The following MACF1 variants were observed in gnomAD, a reference collection of about 807,000 sequenced individuals.
MACF1 encodes the protein microtubule-actin cross-linking factor 1.
A neutral mutation model predicts 854.8 loss-of-function variants in MACF1; 193 were observed. That is an observed-to-expected ratio of 0.23 (90% CI 0.20 to 0.25). The LOEUF is 0.25. Ranked by LOEUF, MACF1 falls within the 10% of genes least tolerant of loss-of-function variation. MACF1 has a pLI of 1.00. For synonymous variants in MACF1, 3,185 were observed against 3,226.7 expected (o/e 0.99, Z 0.44); for missense variants, 7,722 against 8,929.1 (o/e 0.86, Z 5.45).
chr1:39,343,279 C>T (rs1646976063), intron 40 of MACF1, among the ~76,000 whole-genome samples: 1 of 152,162 alleles, frequency 6.6e-6, no homozygotes, highest in Non-Finnish European at 1.5e-5. Context: ...AATGTCCCCT[C>T]CTTCTATTCT....
intron 86 of MACF1, 83 bp downstream of exon 86, chr1:39,452,433 T>G: frequency 1.4e-6 from 2 of 1,393,982 alleles, no homozygotes; most frequent in South Asian, 2.8e-5. Context: ...TCTGTTCCAG[T>G]CAGTCTTGAA....
intron 2 of MACF1, among the ~76,000 whole-genome samples, chr1:39,233,785 T>TG: frequency 2.3e-5 from 2 of 86,056 alleles, no homozygotes; most frequent in Non-Finnish European, 5.8e-5. Flanking sequence ...CTTTTTTTTT[T>TG]TTTTTTTTTT....
chr1:39,104,895 T>G (rs1642181337), intron 2 of MACF1, among the ~76,000 whole-genome samples: 1 of 152,228 alleles, frequency 6.6e-6, no homozygotes, highest in South Asian at 2.1e-4. Flanking sequence ...CGTGGTCTTT[T>G]GCCCTCTGCT....
chr1:39,111,366 T>TTTTTTTTA (rs139825766), intron 2 of MACF1, among the ~76,000 whole-genome samples: 23 of 148,140 alleles, frequency 1.6e-4, no homozygotes, highest in African/African-American at 5.3e-4. Flanking sequence ...CAGCTAATTA[T>TTTTTTTTA]TTTATTTATT....
intron 2 of MACF1, among the ~76,000 whole-genome samples, chr1:39,169,586 C>T (rs1046305165): frequency 7.1e-6 from 1 of 140,782 alleles, no homozygotes; most frequent in Non-Finnish European, 1.5e-5. Context: ...AGCTTGGGGA[C>T]AGAGCAAGAC....
At chr1:39,356,513 C>T (rs1647585221) in intron 44 of MACF1, among the ~76,000 whole-genome samples, 1 of 152,092 alleles carries the variant, frequency 6.6e-6, no homozygotes, top group South Asian at 2.1e-4. Context: ...GCTGGGATTA[C>T]AGGCACTTGC....
chr1:39,139,355 C>T (rs1396828759), intron 2 of MACF1, among the ~76,000 whole-genome samples: 1 of 150,246 alleles, frequency 6.7e-6, no homozygotes, highest in Non-Finnish European at 1.5e-5. Flanking sequence ...CTTCCAGGTT[C>T]AAGCGATTCT....
At chr1:39,375,249 A>T (rs1649615177) in intron 52 of MACF1, among the ~76,000 whole-genome samples, 1 of 152,172 alleles carries the variant, frequency 6.6e-6, no homozygotes, top group South Asian at 2.1e-4. Context: ...AACGAATATA[A>T]AAATTTGAAA....
intron 2 of MACF1, among the ~76,000 whole-genome samples, chr1:39,096,627 A>G (rs186623860): frequency 6.6e-6 from 1 of 151,614 alleles, no homozygotes. Context: ...CCGTAATCAC[A>G]TACTTCTACC....
chr1:39,361,881 T>C (rs1016738771), intron 49 of MACF1, among the ~76,000 whole-genome samples: 4 of 152,210 alleles, frequency 2.6e-5, no homozygotes, highest in Admixed American at 6.5e-5. Flanking sequence ...TTCACTCTTA[T>C]TACATGTTCA....
chr1:39,422,346 A>G (rs530168943), intron 58 of MACF1, 28 bp from the exon 59 acceptor site: 1 of 1,606,448 alleles, frequency 6.2e-7, no homozygotes. Flanking sequence ...CCTTTGTATT[A>G]AATCTTCTTT....
chr1:39,337,184 T>A lies in MACF1; in HGVS notation c.10068T>A (p.Asn3356Lys). 1.9e-6 allele frequency: 3 copies of A among 1,611,996 alleles called. No homozygotes were observed. The highest frequency in any genetic ancestry group is 2.5e-6 in the Non-Finnish European group (3 of 1,179,014). Reference protein sequence around the residue: ...VNPEPFRATQNVFTRQLCLEH... With the variant: ...VNPEPFRATQKVFTRQLCLEH... Reference sequence around the variant, plus strand: ...CAGCTTTCTTTTTGGCTCCACAGAATGTATTTACCCGGCAACTCTGTTTAG... The same window carrying A: ...CAGCTTTCTTTTTGGCTCCACAGAAAGTATTTACCCGGCAACTCTGTTTAG... Residue 3356 changes from asparagine to lysine, a missense_variant and splice_region_variant, in exon 38 of 101, where the codon AAT (asparagine) becomes AAA (lysine). Asn to Lys is a moderately conservative substitution (Grantham distance 94). Coordinates refer to ENST00000564288, the MANE Select transcript of MACF1 (RefSeq NM_001394062.1).
At chr1:39,089,352 G>A (rs1048907595) in intron 2 of MACF1, among the ~76,000 whole-genome samples, 2 of 152,216 alleles carry the variant, frequency 1.3e-5, no homozygotes, top group Admixed American at 1.3e-4. Context: ...TAAGCTATGT[G>A]CCAGTAGAAA....
intron 2 of MACF1, among the ~76,000 whole-genome samples, chr1:39,243,244 T>G (rs1644945644): frequency 6.6e-6 from 1 of 152,218 alleles, no homozygotes; most frequent in Admixed American, 6.5e-5. Flanking sequence ...TGGACACATT[T>G]ACTAATTTTG....
intron 89 of MACF1, chr1:39,458,045 C>T (rs1029291019): frequency 1.2e-4 from 24 of 194,108 alleles, no homozygotes; most frequent in African/African-American, 5.6e-4. Context: ...TCCTTTTAAA[C>T]AGCCAGTTCT....
intron 84 of MACF1, among the ~76,000 whole-genome samples, chr1:39,450,587 C>G (rs538823875): frequency 6.7e-6 from 1 of 150,046 alleles, no homozygotes; most frequent in African/African-American, 2.4e-5. Flanking sequence ...CTCACCATCT[C>G]TCAGTCACTT....
intron 42 of MACF1, 138 bp from the exon 43 acceptor site, chr1:39,350,647 G>A (rs1647158893): frequency 8.5e-6 from 5 of 586,792 alleles, no homozygotes; most frequent in Admixed American, 6.1e-5. Flanking sequence ...ATTGATTTAA[G>A]CCTAAACCTG....
chr1:39,093,830 T>C (rs1271499155), intron 2 of MACF1, among the ~76,000 whole-genome samples: 1 of 148,666 alleles, frequency 6.7e-6, no homozygotes, highest in Non-Finnish European at 1.5e-5. Flanking sequence ...CGCTTTTGCC[T>C]AGGCTGGAGT....
In MACF1 at chr1:39,296,324, T is replaced by A. The variant is rs373982653; in HGVS notation, c.2355+442T>A. 6.6e-5 allele frequency among the ~76,000 whole-genome samples: 10 copies of A among 152,054 alleles called. No individual in the cohort carries two copies. The East Asian group carries it at 1.5e-3, about 24-fold the overall frequency. On this transcript the variant is annotated intron_variant, in intron 20 of 100. Transcript: ENST00000564288. Reference sequence around the variant, plus strand: ...ATGTGCCTTTGGTTAAAGCCAGACATGTGGCTGTGCCTGGCTTCAAGGTGA... The same window carrying A: ...ATGTGCCTTTGGTTAAAGCCAGACAAGTGGCTGTGCCTGGCTTCAAGGTGA...
Sources: gnomAD v4.1 joint callset for allele counts (sites outside exome capture counted in the v4.1 genomes callset) on GRCh38, gnomAD v4.1.1 for gene constraint, MANE v1.5 for transcripts, NCBI Gene and HGNC (gene_info 2026-07-23, HGNC 2026-07-21) for gene names.